The following SLC4A7 variants were observed in gnomAD, a reference collection of about 807,000 sequenced individuals.
SLC4A7 encodes solute carrier family 4 member 7.
Under a neutral mutation model 137.6 loss-of-function variants are expected in SLC4A7, and 51 were observed. The observed-to-expected ratio is 0.37, with a 90% confidence interval of 0.30 to 0.47. The LOEUF is 0.47. Among genes scored for constraint, SLC4A7 ranks in the 20% least tolerant of loss-of-function variants. The probability of loss-of-function intolerance (pLI) is 1.00; values close to 1 mark genes in which losing one functional copy is unlikely to be tolerated. For missense variants in SLC4A7, 1,247 were observed against 1,525.4 expected (o/e 0.82, Z 3.04); for synonymous variants, 542 against 518.6 (o/e 1.05, Z -0.61).
chr3:27,474,760 C>CT (rs1446169996), intron 1 of SLC4A7, among the ~76,000 whole-genome samples: 3 of 152,106 alleles, frequency 2.0e-5, no homozygotes, highest in Non-Finnish European at 4.4e-5. Flanking sequence ...GACAATTATG[C>CT]TTTAATTAGG....
intron 3 of SLC4A7, among the ~76,000 whole-genome samples, chr3:27,438,665 CATAAA>C (rs1431143703): frequency 9.5e-6 from 1 of 105,074 alleles, no homozygotes; most frequent in African/African-American, 3.5e-5. Flanking sequence ...ACAAACATAA[CATAAA>C]ATAAAAATAA....
chr3:27,376,212 T>C lies in SLC4A7; in HGVS notation c.*552A>G, dbSNP rs2049885934. On this transcript the variant is annotated 3_prime_UTR_variant, in exon 26 of 26. Coordinates refer to ENST00000454389, the MANE Select transcript of SLC4A7 (RefSeq NM_001321103.2). Reference sequence around the variant, plus strand: ...CTATCATTATTAAAGTTTCTATTGTTCTACAGTCATCTCTATGGCTAAGAA... The same window carrying C: ...CTATCATTATTAAAGTTTCTATTGTCCTACAGTCATCTCTATGGCTAAGAA... The C allele has an allele frequency of 6.6e-6, 1 of 152,086 alleles. No individual in the cohort carries two copies. The highest frequency in any genetic ancestry group is 1.5e-5 in the Non-Finnish European group (1 of 67,960). The allele number at this position is 152,086 out of a possible 1,614,324, so 9.4% of individuals were successfully genotyped here.
At chr3:27,459,971 T>TTATATATA (rs10552466) in intron 1 of SLC4A7, among the ~76,000 whole-genome samples, 47 of 144,628 alleles carry the variant, frequency 3.2e-4, no homozygotes, top group Middle Eastern at 3.6e-3. Context: ...TCAGTGTTAT[T>TTATATATA]TATATATATA....
chr3:27,403,883 CT>C (rs2053058127), intron 14 of SLC4A7, among the ~76,000 whole-genome samples: 1 of 152,212 alleles, frequency 6.6e-6, no homozygotes, highest in Non-Finnish European at 1.5e-5. Flanking sequence ...TTATTTTAAA[CT>C]TCAAGAAATT....
Position 27,431,559 on chromosome 3 carries a change from A to G in SLC4A7, c.889T>C (p.Ser297Pro), listed in dbSNP as rs2150371529. The change falls in exon 7 of 26, where the codon TCT (serine) becomes CCT (proline). Residue 297 changes from serine (S) to proline (P), a missense_variant. Transcript: ENST00000454389. ...CCTGCAGGGGTTCCAGCTCTTGAAG[A>G]AGGAAGAAGATGACCAAGAAGAAGA... The part of the protein sequence containing the change: ...LSLLLGHLLP[S>P]SRAGTPAGSR... 6.2e-7 allele frequency: 1 copy of G among 1,614,098 alleles called. No individual in the cohort carries two copies. Among genetic ancestry groups the G allele is most frequent in the South Asian group, 1.1e-5 (1 of 91,078 alleles).
At chr3:27,461,688 A>G (rs2058707338) in intron 1 of SLC4A7, among the ~76,000 whole-genome samples, 1 of 151,794 alleles carries the variant, frequency 6.6e-6, no homozygotes, top group Non-Finnish European at 1.5e-5. Flanking sequence ...GGCTGGGCAC[A>G]GTGGCTCACG....
chr3:27,443,927 T>G (rs1424263734), intron 3 of SLC4A7, among the ~76,000 whole-genome samples: 1 of 152,232 alleles, frequency 6.6e-6, no homozygotes, highest in East Asian at 1.9e-4. Context: ...TCTAGTTTAA[T>G]TCTATTGTGA....
chr3:27,429,205 G>A (rs890182211), intron 7 of SLC4A7, among the ~76,000 whole-genome samples: 5 of 151,676 alleles, frequency 3.3e-5, no homozygotes, highest in African/African-American at 1.2e-4. Context: ...GGCGGAGGTT[G>A]CAGTAAGCCG....
chr3:27,411,183 T>C (rs1289371455), intron 12 of SLC4A7, among the ~76,000 whole-genome samples: 1 of 152,192 alleles, frequency 6.6e-6, no homozygotes, highest in Non-Finnish European at 1.5e-5. Flanking sequence ...AGCAATACAA[T>C]GGTTTAATCA....
At chr3:27,378,585 G>A (rs2050125145) in intron 25 of SLC4A7, among the ~76,000 whole-genome samples, 1 of 152,194 alleles carries the variant, frequency 6.6e-6, no homozygotes, top group African/African-American at 2.4e-5. Context: ...ATGTAAGAAA[G>A]AGGTTACAAA....
At chr3:27,450,703 A>C (rs2058018001) in intron 2 of SLC4A7, among the ~76,000 whole-genome samples, 1 of 152,262 alleles carries the variant, frequency 6.6e-6, no homozygotes, top group East Asian at 1.9e-4. Flanking sequence ...GCTAGAATCC[A>C]AAGATTGGTA....
chr3:27,404,903 C>T lies in SLC4A7; in HGVS notation c.2002G>A (p.Gly668Arg). 1 of 1,610,758 alleles carries T rather than the reference C, an allele frequency of 6.2e-7. No individual in the cohort carries two copies. The highest frequency in any genetic ancestry group is 8.5e-7 in the Non-Finnish European group (1 of 1,178,700). Residue 668 changes from glycine to arginine, a missense_variant, in exon 14 of 26, where the codon GGG (glycine) becomes AGG (arginine). Gly to Arg is a moderately radical substitution (Grantham distance 125). Transcript: ENST00000454389. ...LTGIAYSLFA[G>R]QPLTILGSTG... Reference sequence around the variant, plus strand: ...CTCCCCAATATTGTTAGAGGTTGCCCAGCAAACAATGAATAGGCAATCCCA... The same window carrying T: ...CTCCCCAATATTGTTAGAGGTTGCCTAGCAAACAATGAATAGGCAATCCCA...
At chr3:27,415,647 A>G (rs1349405643) in intron 11 of SLC4A7, among the ~76,000 whole-genome samples, 1 of 152,164 alleles carries the variant, frequency 6.6e-6, no homozygotes, top group Non-Finnish European at 1.5e-5. Flanking sequence ...TTATTTTGAC[A>G]TTTTTTAAGC....
intron 7 of SLC4A7, among the ~76,000 whole-genome samples, chr3:27,427,735 A>G (rs1222585050): frequency 6.6e-6 from 1 of 152,032 alleles, no homozygotes; most frequent in Non-Finnish European, 1.5e-5. Flanking sequence ...AGCTGTCCCT[A>G]TTTTTCCTCA....
intron 11 of SLC4A7, among the ~76,000 whole-genome samples, chr3:27,414,654 C>A (rs1201458664): frequency 6.6e-6 from 1 of 152,130 alleles, no homozygotes; most frequent in Admixed American, 6.5e-5. Context: ...ATAATCAGAA[C>A]CCTTCTGCCA....
rs267599763 is a variant in SLC4A7 at position 27,433,973 on chromosome 3, G to T, written c.721C>A (p.Arg241=). Residue 241 remains arginine, a synonymous_variant, in exon 6 of 26, where the codon CGA becomes AGA. Coordinates refer to ENST00000454389, the MANE Select transcript of SLC4A7 (RefSeq NM_001321103.2). ...TTCTTGCCTATATCTGCAAAAGATC[G>T]AACAAGAGGAATCCGACTGGTGAAT... The part of the protein sequence containing the change: ...KRFTSRIPLV[R]SFADIGKKHS... 2 of 1,613,810 alleles carry T rather than the reference G, an allele frequency of 1.2e-6. No homozygotes were observed. Among genetic ancestry groups the T allele is most frequent in the Admixed American group, 3.3e-5 (2 of 60,004 alleles).
intron 7 of SLC4A7, among the ~76,000 whole-genome samples, chr3:27,428,537 G>A (rs777473013): frequency 1.1e-4 from 16 of 152,142 alleles, no homozygotes; most frequent in Non-Finnish European, 1.9e-4. Flanking sequence ...TTGGCTAAAT[G>A]TAACTGGTGT....
chr3:27,428,982 T>C (rs963571390), intron 7 of SLC4A7, among the ~76,000 whole-genome samples: 2 of 152,140 alleles, frequency 1.3e-5, no homozygotes, highest in Non-Finnish European at 2.9e-5. Flanking sequence ...TAAGATGAGT[T>C]ATAGGCTGGG....
chr3:27,382,537 T>C (rs1385416529), intron 24 of SLC4A7, among the ~76,000 whole-genome samples: 3 of 152,232 alleles, frequency 2.0e-5, no homozygotes, highest in Non-Finnish European at 4.4e-5. Context: ...CCAACCTCTA[T>C]ATCTTTAGTT....
Sources: allele counts gnomAD v4.1 joint callset (sites outside exome capture counted in the v4.1 genomes callset), GRCh38; gene constraint gnomAD v4.1.1; transcripts MANE v1.5; gene names NCBI Gene and HGNC (gene_info 2026-07-23, HGNC 2026-07-21).